Variants in DCLK1 observed in about 807,000 individuals in gnomAD.
The protein encoded by DCLK1 is doublecortin like kinase 1.
A neutral mutation model predicts 86.2 loss-of-function variants in DCLK1; 16 were observed. The ratio of observed to expected loss-of-function variants is 0.19; its 90% confidence interval spans 0.13 to 0.28. DCLK1 has a LOEUF of 0.28. DCLK1 is among the 10% of genes least tolerant of loss of function. The pLI is 1.00. For missense variants in DCLK1, 590 were observed against 940.2 expected (o/e 0.63, Z 4.87); for synonymous variants, 369 against 370.5 (o/e 1.00, Z 0.05).
In DCLK1 at chr13:36,112,157, A is replaced by G. The variant is rs772123623; in HGVS notation, c.435T>C (p.Asn145=). Residue 145 remains asparagine, a synonymous_variant, in exon 3 of 17, where the codon AAT becomes AAC. Transcript: ENST00000360631. ...EPFKKLEYTK[N]VNPNWSVNVK... is the part of the protein sequence containing the mutation. ...CGTTCACCGACCAGTTGGGGTTCAC[A>G]TTCTTGGTGTACTCCAGTTTCTTGA... is the stretch of plus-strand genomic sequence containing the variant. 3.1e-6 allele frequency: 5 copies of G among 1,610,594 alleles called. No homozygotes were observed. The African/African-American group carries it at 5.3e-5, about 17-fold the overall frequency.
Position 35,989,278 on chromosome 13 carries a change from A to C in DCLK1, c.724-41821T>G, listed in dbSNP as rs1880096533. Among the ~76,000 whole-genome samples, 3 of 151,948 alleles carry C rather than the reference A, an allele frequency of 2.0e-5. No individual in the cohort carries two copies. The South Asian group carries it at 6.2e-4, about 32-fold the overall frequency. ...AAAACATGACTTTCTTCTTCTTATT[A>C]TTATTTTTTCGAGACAGAGTTTTGC... On this transcript the variant is annotated intron_variant, in intron 3 of 16. Transcript: ENST00000360631.
At chr13:35,937,135 A>ATT (rs199906031) in intron 4 of DCLK1, among the ~76,000 whole-genome samples, 83 of 144,376 alleles carry the variant, frequency 5.7e-4, no homozygotes, top group East Asian at 1.7e-3. Context: ...ATGTCCGGCT[A>ATT]TTTTTTTTTT....
At chr13:36,024,443 G>A (rs1881948502) in intron 3 of DCLK1, among the ~76,000 whole-genome samples, 1 of 151,878 alleles carries the variant, frequency 6.6e-6, no homozygotes, top group Non-Finnish European at 1.5e-5. Context: ...AAACTAACGA[G>A]AAATCTAAAA....
chr13:35,842,228 CAAAAAAAAAA>C lies in DCLK1; in HGVS notation c.1036-3062_1036-3053del, dbSNP rs35862851. Among the ~76,000 whole-genome samples the C allele has an allele frequency of 1.4e-3, 49 of 35,114 alleles. No homozygotes were observed. The East Asian group carries it at 0.032, about 23-fold the overall frequency. 23.0% of individuals were successfully genotyped at this position (35,114 alleles called of 152,430 possible). ...TGGGCGACTGAGTGAGACTCCATCT[CAAAAAAAAAA>C]AAAAAAAAAAAAAAAAAGAAGTTCT... is the stretch of plus-strand genomic sequence containing the variant. On this transcript the variant is annotated intron_variant, in intron 6 of 16. Transcript: ENST00000360631.
intron 4 of DCLK1, among the ~76,000 whole-genome samples, chr13:35,880,049 T>C (rs959980222): frequency 1.3e-5 from 2 of 152,226 alleles, no homozygotes; most frequent in African/African-American, 4.8e-5. Flanking sequence ...ACGCTGTTAA[T>C]GAAACCGTCA....
intron 3 of DCLK1, among the ~76,000 whole-genome samples, chr13:36,067,790 C>G (rs1199591251): frequency 6.6e-6 from 1 of 152,062 alleles, no homozygotes; most frequent in Admixed American, 6.5e-5. Context: ...GTATTCCCTT[C>G]TCTCCTAGGA....
chr13:35,810,891 C>A lies in DCLK1; in HGVS notation c.1632G>T (p.Leu544=). The A allele has an allele frequency of 6.2e-7, 1 of 1,614,026 alleles. No homozygotes were observed. Among genetic ancestry groups the A allele is most frequent in the Non-Finnish European group, 8.5e-7 (1 of 1,179,956 alleles). Residue 544 remains leucine (L), a synonymous_variant, in exon 12 of 17, where the codon CTG becomes CTT. Coordinates refer to ENST00000360631, the MANE Select transcript of DCLK1 (RefSeq NM_001330071.2). The part of the protein sequence containing the change: ...FGLATIVDGP[L]YTVCGTPTYV... Reference sequence around the variant, plus strand: ...ATGTTGGGGTGCCACAGACTGTGTACAGGGGGCCGTCTACAATGGTGGCCA... The same window carrying A: ...ATGTTGGGGTGCCACAGACTGTGTAAAGGGGGCCGTCTACAATGGTGGCCA...
chr13:36,006,695 A>T (rs901197214), intron 3 of DCLK1, among the ~76,000 whole-genome samples: 1 of 152,198 alleles, frequency 6.6e-6, no homozygotes, highest in African/African-American at 2.4e-5. Context: ...TCTTGGGCAA[A>T]GAGCCTTCTA....
intron 4 of DCLK1, among the ~76,000 whole-genome samples, chr13:35,936,809 T>A (rs1876776910): frequency 6.6e-6 from 1 of 152,120 alleles, no homozygotes; most frequent in Non-Finnish European, 1.5e-5. Flanking sequence ...GAGGAGCATC[T>A]GAGGCCAATA....
intron 5 of DCLK1, among the ~76,000 whole-genome samples, chr13:35,864,919 T>G (rs1871684189): frequency 6.6e-6 from 1 of 152,120 alleles, no homozygotes; most frequent in Non-Finnish European, 1.5e-5. Flanking sequence ...CCCAAAGTGT[T>G]GGGATTAAAG....
intron 5 of DCLK1, chr13:35,855,772 GCCTCTTGCCAACAGCAAC>G: frequency 7.8e-7 from 1 of 1,281,304 alleles, no homozygotes; most frequent in South Asian, 3.2e-5. Flanking sequence ...TGTCAATTAA[GCCTCTTGCCAACAGCAAC>G]CCCCATCCCG....
intron 3 of DCLK1, among the ~76,000 whole-genome samples, chr13:36,051,532 G>C (rs188143889): frequency 9.2e-5 from 14 of 151,812 alleles, no homozygotes; most frequent in Non-Finnish European, 2.1e-4. Context: ...CCTCTGTGTG[G>C]TCTTTTAATC....
intron 3 of DCLK1, among the ~76,000 whole-genome samples, chr13:36,057,617 G>C (rs1883385339): frequency 6.6e-6 from 1 of 152,168 alleles, no homozygotes; most frequent in African/African-American, 2.4e-5. Context: ...TTTTGTGTGA[G>C]ACACCCATGA....
intron 4 of DCLK1, among the ~76,000 whole-genome samples, chr13:35,898,716 T>C (rs1874160025): frequency 6.6e-6 from 1 of 152,196 alleles, no homozygotes; most frequent in South Asian, 2.1e-4. Flanking sequence ...TTTAAGTTTG[T>C]GTGCTCTTGA....
chr13:35,997,204 G>A (rs908311497), intron 3 of DCLK1, among the ~76,000 whole-genome samples: 5 of 152,164 alleles, frequency 3.3e-5, no homozygotes, highest in African/African-American at 9.7e-5. Context: ...GGATAATCTC[G>A]TGATCTTCTC....
intron 2 of DCLK1, among the ~76,000 whole-genome samples, chr13:36,121,861 T>G (rs1886005250): frequency 1.3e-5 from 2 of 152,078 alleles, no homozygotes; most frequent in Non-Finnish European, 2.9e-5. Context: ...ATCCCAGCAT[T>G]TTGGGAGGCT....
At chr13:36,118,830 A>G (rs1187849329) in intron 2 of DCLK1, among the ~76,000 whole-genome samples, 2 of 152,198 alleles carry the variant, frequency 1.3e-5, no homozygotes, top group Non-Finnish European at 2.9e-5. Context: ...TCCAAGATCA[A>G]GACACCAGCA....
chr13:36,059,929 T>C lies in DCLK1; in HGVS notation c.723+51940A>G, dbSNP rs143422065. On this transcript the variant is annotated intron_variant, in intron 3 of 16. Transcript: ENST00000360631. Reference sequence around the variant, plus strand: ...TCTTGTCACCCAGGCCGGAGTGCAGTGGTGCAATCTCAGCTCACTGCAACC... The same window carrying C: ...TCTTGTCACCCAGGCCGGAGTGCAGCGGTGCAATCTCAGCTCACTGCAACC... Among the ~76,000 whole-genome samples, 880 of 151,408 alleles carry C rather than the reference T, an allele frequency of 5.8e-3. 10 individuals are homozygous for C. The highest frequency in any genetic ancestry group is 0.02 in the African/African-American group (831 of 41,220).
At chr13:35,809,277 A>G (rs1341676038) in intron 12 of DCLK1, among the ~76,000 whole-genome samples, 182 bp from the exon 13 acceptor site, 2 of 152,234 alleles carry the variant, frequency 1.3e-5, no homozygotes, top group African/African-American at 4.8e-5. Context: ...AGTTTAAAAA[A>G]TAATAATTTT....
Sources: allele counts gnomAD v4.1 joint callset (sites outside exome capture counted in the v4.1 genomes callset), GRCh38; gene constraint gnomAD v4.1.1; transcripts MANE v1.5; gene names NCBI Gene and HGNC (gene_info 2026-07-23, HGNC 2026-07-21).